Variants in ZNF75D observed in about 807,000 individuals in gnomAD.
ZNF75D encodes the protein zinc finger protein 75D.
A neutral mutation model predicts 33.3 loss-of-function variants in ZNF75D; 33 were observed. That is an observed-to-expected ratio of 0.99 (90% confidence interval 0.75 to 1.32). The LOEUF is 1.32. ZNF75D is among the 40% of genes most tolerant of loss of function. ZNF75D has a pLI of 0.00. For synonymous variants in ZNF75D, 113 were observed against 130.6 expected, an observed-to-expected ratio of 0.87 and a Z score of 0.92; for missense variants, 338 against 367.5, an observed-to-expected ratio of 0.92 and a Z score of 0.66.
intron 1 of ZNF75D, among the ~76,000 whole-genome samples, chrX:135,259,229 G>A (rs1446135389): frequency 2.7e-5 from 3 of 111,867 alleles, no homozygotes; most frequent in African/African-American, 9.8e-5. Context: ...CAGGTAGTGT[G>A]ATGCCTCCAG....
chrX:135,339,415 T>C (rs1202996651), intron 1 of ZNF75D, among the ~76,000 whole-genome samples: 1 of 112,185 alleles, frequency 8.9e-6, no homozygotes, highest in East Asian at 2.8e-4. Flanking sequence ...CTGACAGCAC[T>C]GTGGCAGGAC....
chrX:135,326,827 G>A (rs1324446440), intron 1 of ZNF75D, among the ~76,000 whole-genome samples: 8 of 110,756 alleles, frequency 7.2e-5, no homozygotes, highest in African/African-American at 2.6e-4. Flanking sequence ...GCGAGACCAC[G>A]AACCCACCAG....
intron 1 of ZNF75D, among the ~76,000 whole-genome samples, chrX:135,312,435 T>C (rs1569492971): frequency 2.7e-5 from 3 of 112,334 alleles, no homozygotes; most frequent in Middle Eastern, 4.6e-3. Context: ...TTTGCTATTG[T>C]AAATAGTGCT....
chrX:135,293,882 G>T lies in ZNF75D; in HGVS notation c.259C>A (p.Gln87Lys). The T allele has an allele frequency of 8.3e-7, 1 of 1,211,381 alleles. No individual in the cohort carries two copies. Among genetic ancestry groups the T allele is most frequent in the South Asian group, 1.8e-5 (1 of 56,983 alleles). The change falls in exon 3 of 7, where the codon CAG becomes AAG. Residue 87 changes from glutamine (Q) to lysine (K), a missense_variant. Gln to Lys is a moderately conservative substitution (Grantham distance 53, BLOSUM62 1). Transcript: ENST00000370766. The stretch of plus-strand genomic sequence containing the variant: ...TCTAACACCAGCATTTCCAAGATCT[G>T]CTCTTTTGAGTGGATCTCTGGCCTC... ...WLRPEIHSKE[Q>K]ILEMLVLEQF... is the part of the protein sequence containing the mutation.
chrX:135,312,346 T>C (rs782449872), intron 1 of ZNF75D, among the ~76,000 whole-genome samples: 1 of 111,506 alleles, frequency 9.0e-6, no homozygotes, highest in Non-Finnish European at 1.9e-5. Context: ...TATGGCCAAA[T>C]AGTATTCCAT....
intron 1 of ZNF75D, among the ~76,000 whole-genome samples, chrX:135,270,958 T>A (rs2083880902): frequency 8.9e-6 from 1 of 112,265 alleles, no homozygotes; most frequent in African/African-American, 3.2e-5. Context: ...AATCTGTGAA[T>A]CATTTTTTGG....
intron 1 of ZNF75D, among the ~76,000 whole-genome samples, chrX:135,276,702 C>G (rs1386059338): frequency 9.4e-6 from 1 of 106,168 alleles, no homozygotes; most frequent in African/African-American, 3.5e-5. Flanking sequence ...TCCATGTATT[C>G]TCATTGTTCA....
intron 1 of ZNF75D, among the ~76,000 whole-genome samples, chrX:135,296,617 G>C (rs376974017): frequency 8.9e-6 from 1 of 112,224 alleles, no homozygotes; most frequent in Admixed American, 9.4e-5. Flanking sequence ...CAAGCCTCTC[G>C]CTAGATCAGA....
At chrX:135,325,647 C>T (rs940564633) in intron 1 of ZNF75D, among the ~76,000 whole-genome samples, 30 of 112,766 alleles carry the variant, frequency 2.7e-4, no homozygotes, top group East Asian at 1.4e-3. Context: ...GCCAGCCCAC[C>T]GGCGATGCAC....
At chrX:135,261,168 G>C (rs1556415438) in intron 1 of ZNF75D, among the ~76,000 whole-genome samples, 1 of 112,570 alleles carries the variant, frequency 8.9e-6, no homozygotes. Context: ...GAGACAGTTT[G>C]TTGTGATTTC....
chrX:135,249,593 T>C (rs782716496), intron 3 of ZNF75D, among the ~76,000 whole-genome samples: 4 of 108,042 alleles, frequency 3.7e-5, no homozygotes, highest in African/African-American at 1.3e-4. Context: ...AAGCCACCCC[T>C]CTTGCATAAT....
chrX:135,336,187 T>C (rs1556442357), intron 1 of ZNF75D, among the ~76,000 whole-genome samples: 1 of 110,906 alleles, frequency 9.0e-6, no homozygotes, highest in East Asian at 2.9e-4. Flanking sequence ...CCCCTACCCA[T>C]TTGTGCCATG....
downstream of ZNF75D, among the ~76,000 whole-genome samples, chrX:135,280,829 G>A (rs782000278): frequency 1.7e-4 from 19 of 111,943 alleles, no homozygotes; most frequent in African/African-American, 6.2e-4. Context: ...ACTCTCTTCT[G>A]GCTTGTAGGG....
chrX:135,326,963 C>G (rs782278514), intron 1 of ZNF75D, among the ~76,000 whole-genome samples: 2 of 112,730 alleles, frequency 1.8e-5, no homozygotes, highest in South Asian at 3.7e-4. Flanking sequence ...GACCAAGAAC[C>G]CACCAATTCC....
chrX:135,257,976 C>A (rs1342736786), intron 1 of ZNF75D, among the ~76,000 whole-genome samples: 1 of 108,912 alleles, frequency 9.2e-6, no homozygotes, highest in South Asian at 4.0e-4. Context: ...CCCCACCACC[C>A]AACAGGCCCT....
chrX:135,325,842 G>A (rs1044895473), intron 1 of ZNF75D, among the ~76,000 whole-genome samples: 2 of 112,794 alleles, frequency 1.8e-5, no homozygotes, highest in South Asian at 3.7e-4. Context: ...GAGTGCGAGC[G>A]CATCGCGTGG....
intron 3 of ZNF75D, among the ~76,000 whole-genome samples, chrX:135,250,540 C>A (rs1556413574): frequency 2.8e-5 from 3 of 106,653 alleles, no homozygotes; most frequent in Non-Finnish European, 5.9e-5. Context: ...TCTGGCCCTG[C>A]AGAGCTACAT....
intron 1 of ZNF75D, among the ~76,000 whole-genome samples, chrX:135,324,088 A>C (rs2084531686): frequency 9.0e-6 from 1 of 110,784 alleles, no homozygotes; most frequent in Non-Finnish European, 1.9e-5. Flanking sequence ...TGGGGAGAGG[A>C]GGGCAGGCAA....
rs1556441784 is a variant in ZNF75D, at chrX:135,334,749, T to C, written c.-391+7019A>G. Among the ~76,000 whole-genome samples the C allele has an allele frequency of 2.7e-5, 3 of 111,945 alleles. No individual in the cohort carries two copies. The South Asian group carries it at 1.1e-3, about 42-fold the overall frequency. ...GCGATGATCATAACACACAGCTGCATGATTCCAGTGCAGGGTCTCTGATCA... is the reference window on the plus strand; with the variant it reads ...GCGATGATCATAACACACAGCTGCACGATTCCAGTGCAGGGTCTCTGATCA... On this transcript the variant is annotated intron_variant, in intron 1 of 6. Coordinates refer to ENST00000370766, the MANE Select transcript of ZNF75D (RefSeq NM_007131.5).
Sources: allele counts gnomAD v4.1 joint callset (sites outside exome capture counted in the v4.1 genomes callset), GRCh38; gene constraint gnomAD v4.1.1; transcripts MANE v1.5; gene names NCBI Gene and HGNC (gene_info 2026-07-23, HGNC 2026-07-21).